Variants in SLC9A8 observed in about 807,000 individuals in gnomAD.
The protein encoded by SLC9A8 is sodium/hydrogen exchanger 8.
SLC9A8 carries 48 observed loss-of-function variants against 66.6 expected under a neutral mutation model. That is an observed-to-expected ratio of 0.72 (90% CI 0.57 to 0.92). The LOEUF is 0.92. Ranked by LOEUF, SLC9A8 falls within the 40% of genes least tolerant of loss-of-function variation. The probability of loss-of-function intolerance (pLI) is 0.00; values close to 1 mark genes in which losing one functional copy is unlikely to be tolerated. For missense variants in SLC9A8, 599 were observed against 747.3 expected (o/e 0.80, Z 2.31); for synonymous variants, 274 against 282.6 (o/e 0.97, Z 0.31).
At chr20:49,880,774 G>A (rs541395364) in intron 12 of SLC9A8, 150 bp from the exon 13 acceptor site, 3 of 615,750 alleles carry the variant, frequency 4.9e-6, no homozygotes, top group East Asian at 2.8e-5. Flanking sequence ...GGTCTCTGAC[G>A]AGCATGGTGT....
rs1262953710 is a variant in SLC9A8 at position 49,889,226 on chromosome 20, G to A, written c.*1290G>A. On this transcript the variant is annotated 3_prime_UTR_variant, in exon 16 of 16. Transcript: ENST00000361573. ...GAGCCATTGCCAACTTCCGTATGTG[G>A]TTCTGGGTCCCAGGGAGCCTTGGAA... The A allele has an allele frequency of 6.6e-6, 1 of 152,266 alleles. No homozygotes were observed. The highest frequency in any genetic ancestry group is 2.4e-5 in the African/African-American group (1 of 41,450). The allele number at this position is 152,266 out of a possible 1,614,324, so 9.4% of individuals were successfully genotyped here.
chr20:49,814,306 AC>A (rs1484697546), intron 1 of SLC9A8, among the ~76,000 whole-genome samples: 2 of 152,258 alleles, frequency 1.3e-5, no homozygotes, highest in Non-Finnish European at 2.9e-5. Flanking sequence ...ACCCAATCAG[AC>A]ATGTTATACC....
intron 2 of SLC9A8, among the ~76,000 whole-genome samples, chr20:49,822,606 G>A (rs563737430): frequency 1.1e-4 from 17 of 152,274 alleles, no homozygotes; most frequent in Admixed American, 3.9e-4. Context: ...GCAATGTGGC[G>A]AAACCCCATC....
chr20:49,886,798 A>C lies in SLC9A8; in HGVS notation c.1538A>C (p.Glu513Ala), dbSNP rs1333957508. ...CACCTGTCGGAGCTCACGGAGGAGG[A>C]GTACGAGGCCCACTACATCAGGCGG... ...SEHLSELTEE[E>A]YEAHYIRRQD... The change falls in exon 15 of 16, where the codon GAG (glutamate) becomes GCG (alanine). Residue 513 changes from glutamate (E) to alanine (A), a missense_variant. Glu to Ala is a moderately radical substitution (Grantham distance 107). Coordinates refer to ENST00000361573, the MANE Select transcript of SLC9A8 (RefSeq NM_015266.3). This position sits in a 1 kb window ranked among gnomAD's most constrained non-coding sequence, Gnocchi z 4.8. 1 of 1,614,104 alleles carries C rather than the reference A, an allele frequency of 6.2e-7. No individual in the cohort carries two copies. The highest frequency in any genetic ancestry group is 8.5e-7 in the Non-Finnish European group (1 of 1,179,980).
At chr20:49,845,505 T>C (rs1042713319) in intron 5 of SLC9A8, among the ~76,000 whole-genome samples, 1 of 152,170 alleles carries the variant, frequency 6.6e-6, no homozygotes, top group Non-Finnish European at 1.5e-5. Flanking sequence ...CCAGGACTTT[T>C]GTTTCTTTCA....
At chr20:49,837,311 G>A (rs2146549053) in intron 3 of SLC9A8, among the ~76,000 whole-genome samples, 1 of 151,866 alleles carries the variant, frequency 6.6e-6, no homozygotes, top group South Asian at 2.1e-4. Flanking sequence ...ATGTCGTCAG[G>A]ACCTCCTGAG....
chr20:49,832,939 T>TA (rs1322220568), intron 3 of SLC9A8, among the ~76,000 whole-genome samples: 17 of 151,970 alleles, frequency 1.1e-4, no homozygotes, highest in African/African-American at 3.9e-4. Context: ...AGAGTCTCAC[T>TA]CTATCACCCA....
chr20:49,853,359 C>T lies in SLC9A8; in HGVS notation c.570-2079C>T, dbSNP rs1456282133. Among the ~76,000 whole-genome samples the T allele has an allele frequency of 2.0e-5, 3 of 152,164 alleles. No individual in the cohort carries two copies. The East Asian group carries it at 5.8e-4, about 29-fold the overall frequency. ...TTCTCTCTATATTGCCCAGGCTGGT[C>T]CTGAACTCCTGAGCTCAAGCCATCC... On this transcript the variant is annotated intron_variant, in intron 7 of 15. Transcript: ENST00000361573.
At chr20:49,875,220 G>A (rs1277886654) in intron 11 of SLC9A8, among the ~76,000 whole-genome samples, 1 of 150,126 alleles carries the variant, frequency 6.7e-6, no homozygotes, top group African/African-American at 2.5e-5. Context: ...CTGCTTGGGA[G>A]ACTGAGAGGA....
chr20:49,883,082 G>A (rs1344429769), intron 13 of SLC9A8, among the ~76,000 whole-genome samples: 2 of 139,940 alleles, frequency 1.4e-5, no homozygotes, highest in African/African-American at 5.4e-5. Flanking sequence ...CCTCCTCCCA[G>A]CTGCTCTAGG....
chr20:49,871,742 C>A (rs573560947), intron 10 of SLC9A8, among the ~76,000 whole-genome samples: 23 of 152,288 alleles, frequency 1.5e-4, no homozygotes, highest in African/African-American at 5.5e-4. Flanking sequence ...AGGGTAAAGC[C>A]CTCTGGGATT....
At chr20:49,815,211 C>T in intron 2 of SLC9A8, 22 bp downstream of exon 2, 1 of 1,493,882 alleles carries the variant, frequency 6.7e-7, no homozygotes, top group Non-Finnish European at 9.0e-7. Flanking sequence ...CACTGTCATC[C>T]CCATCATCTG....
At chr20:49,827,621 A>G (rs1160794171) in intron 3 of SLC9A8, among the ~76,000 whole-genome samples, 2 of 151,508 alleles carry the variant, frequency 1.3e-5, no homozygotes, top group East Asian at 1.9e-4. Flanking sequence ...AAAAAAAAAG[A>G]AAAAGAAAAT....
intron 14 of SLC9A8, among the ~76,000 whole-genome samples, chr20:49,885,366 C>G (rs2089853113): frequency 1.3e-5 from 2 of 152,162 alleles, no homozygotes; most frequent in African/African-American, 4.8e-5. Flanking sequence ...CACTCTATTG[C>G]ACAGGCTGAA....
At chr20:49,837,680 CTG>C (rs2087592684) in intron 3 of SLC9A8, among the ~76,000 whole-genome samples, 1 of 152,106 alleles carries the variant, frequency 6.6e-6, no homozygotes, top group Non-Finnish European at 1.5e-5. Context: ...AGTGATTCTC[CTG>C]CCTCAGCCTC....
chr20:49,832,936 C>G (rs2087270139), intron 3 of SLC9A8, among the ~76,000 whole-genome samples: 1 of 151,478 alleles, frequency 6.6e-6, no homozygotes, highest in South Asian at 2.1e-4. Flanking sequence ...GACAGAGTCT[C>G]ACTCTATCAC....
chr20:49,877,456 G>T (rs2869936), intron 11 of SLC9A8, among the ~76,000 whole-genome samples: 2 of 151,834 alleles, frequency 1.3e-5, no homozygotes, highest in Non-Finnish European at 2.9e-5. Flanking sequence ...TTTTTGGCTC[G>T]CAGAGTGGAG....
intron 2 of SLC9A8, among the ~76,000 whole-genome samples, chr20:49,821,625 A>T (rs987238077): frequency 3.3e-5 from 5 of 152,284 alleles, no homozygotes; most frequent in African/African-American, 1.2e-4. Context: ...CTTGAAAAAA[A>T]TAACAAAATT....
At chr20:49,871,403 A>G (rs2089202386) in intron 10 of SLC9A8, among the ~76,000 whole-genome samples, 2 of 152,228 alleles carry the variant, frequency 1.3e-5, no homozygotes, top group African/African-American at 4.8e-5. Context: ...TTCTTCCTTC[A>G]GGAGGCTGAA....
Sources: gnomAD v4.1 joint callset for allele counts (sites outside exome capture counted in the v4.1 genomes callset) on GRCh38, gnomAD v4.1.1 for gene constraint, Gnocchi (gnomAD v3.1) non-coding constraint, MANE v1.5 for transcripts, NCBI Gene and HGNC (gene_info 2026-07-23, HGNC 2026-07-21) for gene names.